The following CAMSAP1 variants were observed in gnomAD, a reference collection of about 807,000 sequenced individuals.
CAMSAP1 encodes the protein calmodulin-regulated spectrin-associated protein 1.
A neutral mutation model predicts 143.5 loss-of-function variants in CAMSAP1; 58 were observed. That is an observed-to-expected ratio of 0.40 (90% CI 0.33 to 0.50). The LOEUF is 0.50. Ranked by LOEUF, CAMSAP1 falls within the 20% of genes least tolerant of loss-of-function variation. CAMSAP1 has a pLI of 0.45. For synonymous variants in CAMSAP1, 945 were observed against 859.3 expected, an observed-to-expected ratio of 1.10 and a Z score of -1.74; for missense variants, 1,969 against 2,115.7, an observed-to-expected ratio of 0.93 and a Z score of 1.36.
At chr9:135,865,759 C>T (rs888528577) in intron 4 of CAMSAP1, among the ~76,000 whole-genome samples, 1 of 152,092 alleles carries the variant, frequency 6.6e-6, no homozygotes, top group Non-Finnish European at 1.5e-5. Context: ...GCATACCAGG[C>T]GGCCTGACTC....
intron 5 of CAMSAP1, among the ~76,000 whole-genome samples, chr9:135,855,747 TTAA>T (rs1216534317): frequency 6.5e-5 from 7 of 107,334 alleles, no homozygotes; most frequent in African/African-American, 2.9e-4. Flanking sequence ...TCATCTCAAT[TTAA>T]AAAAAAAAAA....
intron 3 of CAMSAP1, among the ~76,000 whole-genome samples, chr9:135,871,780 G>A (rs903370476): frequency 1.3e-5 from 2 of 151,796 alleles, no homozygotes; most frequent in African/African-American, 4.8e-5. Flanking sequence ...AAAAAAAAAG[G>A]TAAGTTATCT....
chr9:135,895,657 C>T (rs928955905), intron 1 of CAMSAP1, among the ~76,000 whole-genome samples: 4 of 152,152 alleles, frequency 2.6e-5, no homozygotes, highest in African/African-American at 9.7e-5. Flanking sequence ...GTAAATACAA[C>T]AGACTACCCT....
intron 8 of CAMSAP1, among the ~76,000 whole-genome samples, chr9:135,827,142 G>T (rs112105286): frequency 1.8e-4 from 28 of 152,188 alleles, no homozygotes; most frequent in African/African-American, 6.3e-4. Context: ...TGTAACACAT[G>T]GTGGAAAAGA....
intron 3 of CAMSAP1, among the ~76,000 whole-genome samples, chr9:135,874,789 C>T (rs1457240517): frequency 2.0e-5 from 3 of 151,858 alleles, no homozygotes; most frequent in Admixed American, 6.6e-5. Context: ...TTTCTCAATG[C>T]CACTAGAATA....
Position 135,825,148 on chromosome 9 carries a change from C to T in CAMSAP1, c.1224-268G>A, listed in dbSNP as rs1157312292. On this transcript the variant is annotated intron_variant, in intron 8 of 16. Transcript: ENST00000389532. ...TCCCACGGGAAAAGCAAAACCCAAG[C>T]GTGCAATTAGAGTGATTTTCTGAGA... 3.9e-5 allele frequency among the ~76,000 whole-genome samples: 6 copies of T among 152,112 alleles called. No homozygotes were observed. In the East Asian group the frequency reaches 7.7e-4, roughly 20 times the overall value.
intron 7 of CAMSAP1, among the ~76,000 whole-genome samples, chr9:135,840,563 AAAGGCAGGAGG>A (rs1836304821): frequency 6.6e-6 from 1 of 152,198 alleles, no homozygotes; most frequent in African/African-American, 2.4e-5. Flanking sequence ...AAGGGTGAAG[AAAGGCAGGAGG>A]AAGGTGGCTG....
chr9:135,816,427 G>T (rs919931243), intron 14 of CAMSAP1, among the ~76,000 whole-genome samples: 31 of 152,166 alleles, frequency 2.0e-4, no homozygotes, highest in African/African-American at 7.5e-4. Flanking sequence ...ACAGCAGGCC[G>T]AGTCTGAAAA....
chr9:135,859,626 T>A (rs904252848), intron 5 of CAMSAP1, among the ~76,000 whole-genome samples: 2 of 151,638 alleles, frequency 1.3e-5, no homozygotes, highest in Non-Finnish European at 2.9e-5. Flanking sequence ...TCTCCCAACC[T>A]CGTGATCTAC....
rs1299314519 is a variant in CAMSAP1 at position 135,818,844 on chromosome 9, A to G, written c.3959+166T>C. On this transcript the variant is annotated intron_variant, in intron 12 of 16. Transcript: ENST00000389532. This position sits in a 1 kb window ranked among gnomAD's most constrained non-coding sequence, Gnocchi z 7.7. ...CCGGCAACGCACGTCCTCACTGAAG[A>G]TCAGCAGGGGCCGTGAAAGTTCGGG... is the stretch of plus-strand genomic sequence containing the variant. Among the ~76,000 whole-genome samples, 2 of 152,046 alleles carry G rather than the reference A, an allele frequency of 1.3e-5. No homozygotes were observed. Among genetic ancestry groups the G allele is most frequent in the African/African-American group, 4.8e-5 (2 of 41,382 alleles).
At chr9:135,825,015 GA>G (rs1835623193) in intron 8 of CAMSAP1, 135 bp from the exon 9 acceptor site, 1 of 724,822 alleles carries the variant, frequency 1.4e-6, no homozygotes, top group Non-Finnish European at 2.2e-6. Context: ...GGAAAAAAAT[GA>G]CAATAAAAAT....
At chr9:135,883,896 G>A (rs756053845) in intron 1 of CAMSAP1, among the ~76,000 whole-genome samples, 1 of 152,188 alleles carries the variant, frequency 6.6e-6, no homozygotes, top group Non-Finnish European at 1.5e-5. Context: ...ACTTCCGGCT[G>A]CAACATACGC....
At position 135,843,737 on chromosome 9, in the gene CAMSAP1, G is replaced by A. The variant is rs1208101643; in HGVS notation, c.1045+6400C>T. On this transcript the variant is annotated intron_variant, in intron 7 of 16. Transcript: ENST00000389532. Reference sequence around the variant, plus strand: ...AATACAAAAAAAATTGGCTGGGCGTGGTGGCGGGCACCTGTAGTCCCAGCT... The same window carrying A: ...AATACAAAAAAAATTGGCTGGGCGTAGTGGCGGGCACCTGTAGTCCCAGCT... Among the ~76,000 whole-genome samples, 5 of 151,866 alleles carry A rather than the reference G, an allele frequency of 3.3e-5. No individual in the cohort carries two copies. The East Asian group carries it at 7.7e-4, about 23-fold the overall frequency.
Position 135,821,148 on chromosome 9 carries a change from G to A in CAMSAP1, c.3513C>T (p.Leu1171=), listed in dbSNP as rs201091108. ...HGKCLFDSYR[L]HDESNQRTLT... is the part of the protein sequence containing the mutation. ...GTGTCCGCTGATTGCTTTCATCATG[G>A]AGCCTGTAACTGTCGAAGAGACACT... Residue 1171 remains leucine, a synonymous_variant, in exon 11 of 17, where the codon CTC becomes CTT. Transcript: ENST00000389532. The surrounding 1 kb of genome is among the most constrained non-coding windows in gnomAD (Gnocchi z 4.6). 1 of 1,612,604 alleles carries A rather than the reference G, an allele frequency of 6.2e-7. No homozygotes were observed. The highest frequency in any genetic ancestry group is 8.5e-7 in the Non-Finnish European group (1 of 1,179,900).
chr9:135,833,528 C>G (rs1835922014), intron 7 of CAMSAP1, among the ~76,000 whole-genome samples: 3 of 152,194 alleles, frequency 2.0e-5, no homozygotes, highest in Non-Finnish European at 2.9e-5. Context: ...GTTAACTAAT[C>G]TTTGACAAAG....
At chr9:135,861,440 G>A (rs1837189107) in intron 5 of CAMSAP1, among the ~76,000 whole-genome samples, 1 of 151,556 alleles carries the variant, frequency 6.6e-6, no homozygotes, top group Non-Finnish European at 1.5e-5. Context: ...AGCCTCCCAA[G>A]TAGCTGGGAC....
rs573187485 is a variant in CAMSAP1, at chr9:135,821,436, G to T, written c.3225C>A (p.Phe1075Leu). 17 of 1,614,058 alleles carry T rather than the reference G, an allele frequency of 1.1e-5. No individual in the cohort carries two copies. The highest frequency in any genetic ancestry group is 8.8e-5 in the South Asian group (8 of 91,086). The part of the protein sequence containing the change: ...QDHKVKAPVH[F>L]VEPLSPTGVA... ...CGCCCGTGGGAGAGAGTGGCTCCAC[G>T]AAGTGGACTGGTGCCTTCACTTTGT... The change falls in exon 11 of 17, where the codon TTC becomes TTA. Residue 1075 changes from phenylalanine (F) to leucine (L), a missense_variant. Transcript: ENST00000389532. The surrounding 1 kb of genome is among the most constrained non-coding windows in gnomAD (Gnocchi z 4.6).
At position 135,865,734 on chromosome 9, in the gene CAMSAP1, A is replaced by T. The variant is rs535503087; in HGVS notation, c.666+722T>A. ...ACAGGGAGGAAGCTCAATGCTTAAG[A>T]TCCAGATGAGGGAGGCATACCAGGC... On this transcript the variant is annotated intron_variant, in intron 4 of 16. Transcript: ENST00000389532. Among the ~76,000 whole-genome samples, 15 of 152,262 alleles carry T rather than the reference A, an allele frequency of 9.9e-5. No homozygotes were observed. In the South Asian group the frequency reaches 2.7e-3, roughly 27 times the overall value.
chr9:135,873,948 AG>A, intron 3 of CAMSAP1, among the ~76,000 whole-genome samples: 1 of 152,310 alleles, frequency 6.6e-6, no homozygotes, highest in East Asian at 1.9e-4. Context: ...ATCTGCCGAG[AG>A]CATTGACACA....
Sources: gnomAD v4.1 joint callset for allele counts (sites outside exome capture counted in the v4.1 genomes callset) on GRCh38, gnomAD v4.1.1 for gene constraint, Gnocchi (gnomAD v3.1) non-coding constraint, MANE v1.5 for transcripts, NCBI Gene and HGNC (gene_info 2026-07-23, HGNC 2026-07-21) for gene names.